The following PREP variants were observed in gnomAD, a reference collection of about 807,000 sequenced individuals.
The protein encoded by PREP is prolyl endopeptidase.
A neutral mutation model predicts 87.6 loss-of-function variants in PREP; 29 were observed. The ratio of observed to expected loss-of-function variants is 0.33; its 90% CI spans 0.25 to 0.45. The LOEUF (loss-of-function observed/expected upper bound fraction) is 0.45, where lower values mean the gene tolerates loss of function less well. Ranked by LOEUF, PREP falls within the 20% of genes least tolerant of loss-of-function variation. The pLI is 1.00. For synonymous variants in PREP, 337 were observed against 328.6 expected (o/e 1.03, Z -0.28); for missense variants, 695 against 886.5 (o/e 0.78, Z 2.74).
At chr6:105,382,270 AACACACACACACACACACACACAC>A (rs146759488) in intron 2 of PREP, among the ~76,000 whole-genome samples, 1 of 143,016 alleles carries the variant, frequency 7.0e-6, no homozygotes, top group East Asian at 2.1e-4. Context: ...AAGCGTTCTC[AACACACACACACACACACACACAC>A]ACACACACAC....
intron 6 of PREP, 87 bp downstream of exon 6, chr6:105,368,816 C>T (rs1772461713): frequency 6.7e-7 from 1 of 1,487,460 alleles, no homozygotes; most frequent in Non-Finnish European, 9.2e-7. Context: ...TTCTGCCATC[C>T]ATAAAGGTCA....
intron 5 of PREP, among the ~76,000 whole-genome samples, chr6:105,369,497 A>T (rs1772480697): frequency 1.3e-5 from 2 of 152,252 alleles, no homozygotes; most frequent in Admixed American, 6.5e-5. Context: ...TATACTGACT[A>T]GCCAATACAA....
intron 7 of PREP, among the ~76,000 whole-genome samples, chr6:105,346,289 G>C (rs1437860199): frequency 6.6e-6 from 1 of 152,230 alleles, no homozygotes; most frequent in Non-Finnish European, 1.5e-5. Context: ...GAACAAAAGA[G>C]TCAGTATCAT....
chr6:105,360,149 A>C (rs191268482), intron 6 of PREP, among the ~76,000 whole-genome samples: 1 of 150,792 alleles, frequency 6.6e-6, no homozygotes, highest in East Asian at 2.0e-4. Flanking sequence ...ACAGAACAAG[A>C]GTCAACAGAT....
chr6:105,335,415 T>C (rs1214669589), intron 7 of PREP, among the ~76,000 whole-genome samples: 1 of 152,212 alleles, frequency 6.6e-6, no homozygotes, highest in Non-Finnish European at 1.5e-5. Flanking sequence ...GCAGCATATC[T>C]TCATATAATT....
At chr6:105,367,649 G>A (rs1772422546) in intron 6 of PREP, among the ~76,000 whole-genome samples, 1 of 148,504 alleles carries the variant, frequency 6.7e-6, no homozygotes, top group African/African-American at 2.5e-5. Flanking sequence ...TCCAGCCTGG[G>A]CGACAGAGCG....
intron 9 of PREP, 97 bp from the exon 10 acceptor site, chr6:105,323,865 G>C: frequency 9.8e-7 from 1 of 1,016,294 alleles, no homozygotes; most frequent in Non-Finnish European, 1.5e-6. Flanking sequence ...GCAATGGCAA[G>C]AGAGGATCAT....
At chr6:105,288,388 T>A (rs896298519) in intron 11 of PREP, among the ~76,000 whole-genome samples, 11 of 152,228 alleles carry the variant, frequency 7.2e-5, no homozygotes, top group African/African-American at 2.7e-4. Context: ...TTCGTTCTTG[T>A]TGCCTAGGCT....
intron 10 of PREP, among the ~76,000 whole-genome samples, chr6:105,321,164 T>C (rs770031629): frequency 2.6e-5 from 4 of 152,250 alleles, no homozygotes; most frequent in Non-Finnish European, 4.4e-5. Flanking sequence ...AAATCTTCTA[T>C]TGGCATTATA....
chr6:105,389,076 A>G (rs939098869), intron 2 of PREP, among the ~76,000 whole-genome samples: 3 of 152,252 alleles, frequency 2.0e-5, no homozygotes, highest in East Asian at 1.9e-4. Context: ...ATAAAAACAG[A>G]TAAGAGTCTT....
intron 6 of PREP, among the ~76,000 whole-genome samples, chr6:105,358,761 T>G (rs1171201388): frequency 6.6e-6 from 1 of 152,168 alleles, no homozygotes; most frequent in Non-Finnish European, 1.5e-5. Context: ...AACTTCTCTT[T>G]CCACCAGAGT....
chr6:105,275,864 A>C lies in PREP; in HGVS notation c.*2280T>G, dbSNP rs1769921289. On this transcript the variant is annotated 3_prime_UTR_variant, in exon 15 of 15. Coordinates refer to ENST00000652536, the MANE Select transcript of PREP (RefSeq NM_002726.5). ...GACAAATATCCCATGTTCTCCACTC[A>C]TGTGGGAGCTAAAAAAGCAGGCAGA... Among the ~76,000 whole-genome samples the C allele has an allele frequency of 6.6e-6, 1 of 152,242 alleles. No homozygotes were observed. The highest frequency in any genetic ancestry group is 2.4e-5 in the African/African-American group (1 of 41,468).
At chr6:105,333,532 A>G in intron 7 of PREP, 27 bp from the exon 8 acceptor site, 2 of 1,608,334 alleles carry the variant, frequency 1.2e-6, no homozygotes, top group Non-Finnish European at 1.7e-6. Context: ...CATTCTCATC[A>G]TCTCTCTAAT....
In PREP at chr6:105,278,236, C is replaced by T; in HGVS notation, c.2041G>A (p.Gly681Arg). ...LIHVDTKAGH[G>R]AGKPTAKVIE... ...ACTTTGGCTGTGGGCTTCCCCGCCC[C>T]GTGGCCCGCCTTGGTGTCCACGTGG... Residue 681 changes from glycine (G) to arginine (R), a missense_variant, in exon 15 of 15, where the codon GGG becomes AGG. By Grantham distance (125) the Gly-to-Arg change is moderately radical (BLOSUM62 -2). Coordinates refer to ENST00000652536, the MANE Select transcript of PREP (RefSeq NM_002726.5). The surrounding 1 kb of genome is among the most constrained non-coding windows in gnomAD (Gnocchi z 4.2). 2 of 1,614,246 alleles carry T rather than the reference C, an allele frequency of 1.2e-6. No individual in the cohort carries two copies. Among genetic ancestry groups the T allele is most frequent in the Non-Finnish European group, 1.7e-6 (2 of 1,180,054 alleles).
In PREP at chr6:105,356,286, C is replaced by A. The variant is rs574569408; in HGVS notation, c.718-3209G>T. 5.3e-5 allele frequency among the ~76,000 whole-genome samples: 8 copies of A among 152,270 alleles called. No homozygotes were observed. The East Asian group carries it at 1.5e-3, about 29-fold the overall frequency. On this transcript the variant is annotated intron_variant, in intron 6 of 14. Coordinates refer to ENST00000652536, the MANE Select transcript of PREP (RefSeq NM_002726.5). ...ATACAGCCCCACTGCTAAGGCATAG[C>A]TTCTCTGAGGTCTAAGTGAATACCC...
intron 7 of PREP, among the ~76,000 whole-genome samples, chr6:105,346,524 A>C (rs960079620): frequency 2.0e-5 from 3 of 152,258 alleles, no homozygotes; most frequent in African/African-American, 7.2e-5. Context: ...TCAAACTTTT[A>C]GCAAAAAAAG....
intron 2 of PREP, among the ~76,000 whole-genome samples, chr6:105,386,558 T>G (rs187376182): frequency 2.0e-5 from 3 of 152,110 alleles, no homozygotes; most frequent in Non-Finnish European, 4.4e-5. Flanking sequence ...ATGAAAAAAA[T>G]TGGAACCATT....
chr6:105,278,543 C>T lies in PREP; in HGVS notation c.1839-105G>A, dbSNP rs560016823. On this transcript the variant is annotated intron_variant, in intron 14 of 14. Transcript: ENST00000652536. This position sits in a 1 kb window ranked among gnomAD's most constrained non-coding sequence, Gnocchi z 4.2. ...CAGTGAGGACTGCAGTTAACTAGTA[C>T]GTGAGTGACCACCATGGACTGTGCC... 1.7e-4 allele frequency: 199 copies of T among 1,170,108 alleles called. No individual in the cohort carries two copies. The highest frequency in any genetic ancestry group is 2.1e-4 in the Middle Eastern group (1 of 4,680). 72.5% of individuals were successfully genotyped at this position (1,170,108 alleles called of 1,614,324 possible).
intron 7 of PREP, among the ~76,000 whole-genome samples, chr6:105,347,265 T>A (rs115277384): frequency 3.5e-4 from 54 of 152,304 alleles, no homozygotes; most frequent in African/African-American, 1.3e-3. Context: ...ACTGATGATA[T>A]CCACATCTTA....
Sources: gnomAD v4.1 joint callset for allele counts (sites outside exome capture counted in the v4.1 genomes callset) on GRCh38, gnomAD v4.1.1 for gene constraint, Gnocchi (gnomAD v3.1) non-coding constraint, MANE v1.5 for transcripts, NCBI Gene and HGNC (gene_info 2026-07-23, HGNC 2026-07-21) for gene names.